Variants in LRP1B observed in about 807,000 individuals in gnomAD.
LRP1B encodes LDL receptor related protein 1B, also known as low-density lipoprotein receptor-related protein 1B.
Under a neutral mutation model 556.6 loss-of-function variants are expected in LRP1B, and 217 were observed. That is an observed-to-expected ratio of 0.39 (90% CI 0.35 to 0.44). The LOEUF (loss-of-function observed/expected upper bound fraction) is 0.44. Among genes scored for constraint, LRP1B ranks in the 20% least tolerant of loss-of-function variants. The pLI, the probability that LRP1B is intolerant of heterozygous loss-of-function variation, is 1.00. For synonymous variants in LRP1B, 2,047 were observed against 1,865.8 expected (o/e 1.10, Z -2.50); for missense variants, 5,053 against 5,620.8 (o/e 0.90, Z 3.23).
At chr2:141,708,031 A>G (rs1265502799) in intron 2 of LRP1B, among the ~76,000 whole-genome samples, 5 of 152,164 alleles carry the variant, frequency 3.3e-5, no homozygotes, top group African/African-American at 1.2e-4. Context: ...TAAGTGGCAC[A>G]TTAGTTTAGG....
chr2:140,803,260 GT>G (rs11352164), intron 32 of LRP1B, among the ~76,000 whole-genome samples: 62,414 of 102,608 alleles, frequency 0.61, 17,569 homozygotes, highest in East Asian at 0.76. Context: ...CCTATTGAAA[GT>G]TTTTTTTTTT....
rs749373416 is a variant in LRP1B, at chr2:140,850,161, G to A, written c.4880C>T (p.Thr1627Ile). Residue 1627 changes from threonine to isoleucine, a missense_variant, in exon 29 of 91, where the codon ACA (threonine) becomes ATA (isoleucine). Physicochemically the swap from Thr to Ile is moderately conservative, Grantham distance 89. Around this residue, in one of 5 missense-constraint regions of LRP1B, gnomAD observed 3,619 missense variants for 3,931.9 expected, o/e 0.92. Coordinates refer to ENST00000389484, the MANE Select transcript of LRP1B (RefSeq NM_018557.3). ...AATAAAAGCTCGTTTAATGGTTTGTGTTTTAATATCTGTCCAGTATAAACG... is the reference window on the plus strand; with the variant it reads ...AATAAAAGCTCGTTTAATGGTTTGTATTTTAATATCTGTCCAGTATAAACG... ...EERLYWTDIK[T>I]QTIKRAFING... 4 of 1,613,770 alleles carry A rather than the reference G, an allele frequency of 2.5e-6. No homozygotes were observed. Among genetic ancestry groups the A allele is most frequent in the Non-Finnish European group, 3.4e-6 (4 of 1,179,824 alleles).
chr2:142,045,669 G>A (rs994268308), intron 1 of LRP1B, among the ~76,000 whole-genome samples: 8 of 151,770 alleles, frequency 5.3e-5, no homozygotes, highest in African/African-American at 1.7e-4. Context: ...TCGGTCATGC[G>A]TAATACATAC....
intron 2 of LRP1B, among the ~76,000 whole-genome samples, chr2:141,743,501 C>CTTTTTTTTTTTTTTTTTTTTTTTTTTCT (rs796287062): frequency 1.7e-5 from 2 of 119,042 alleles, no homozygotes; most frequent in Non-Finnish European, 1.6e-5. Flanking sequence ...TTTTTTTTTT[C>CTTTTTTTTTTTTTTTTTTTTTTTTTTCT]TTTTTTTTTT....
In LRP1B at chr2:141,684,478, T is replaced by C. The variant is rs1422094486; in HGVS notation, c.205+125801A>G. Among the ~76,000 whole-genome samples the C allele has an allele frequency of 2.6e-5, 4 of 151,742 alleles. No homozygotes were observed. In the East Asian group the frequency reaches 7.8e-4, roughly 30 times the overall value. ...GGGGGGTGGGGGACTAGAGGAAGGA[T>C]AGCATTAGGAGAAATATGTAATATA... is the stretch of plus-strand genomic sequence containing the variant. On this transcript the variant is annotated intron_variant, in intron 2 of 90. Transcript: ENST00000389484.
chr2:141,950,652 CT>C (rs925290137), intron 1 of LRP1B, among the ~76,000 whole-genome samples: 18 of 152,004 alleles, frequency 1.2e-4, no homozygotes, highest in Non-Finnish European at 2.5e-4. Flanking sequence ...ATTAAATATG[CT>C]TTTTTTTCTT....
intron 7 of LRP1B, among the ~76,000 whole-genome samples, chr2:141,122,361 G>A (rs1390449177): frequency 1.3e-5 from 2 of 150,648 alleles, no homozygotes; most frequent in African/African-American, 2.4e-5. Flanking sequence ...ATCTGACAAA[G>A]GGCTAATATC....
intron 3 of LRP1B, among the ~76,000 whole-genome samples, chr2:141,380,965 G>A (rs1210120380): frequency 2.6e-5 from 4 of 151,998 alleles, no homozygotes; most frequent in Admixed American, 1.3e-4. Context: ...TGTGAAGACC[G>A]GGCGAGGTGA....
At chr2:141,574,480 C>T (rs991520666) in intron 2 of LRP1B, among the ~76,000 whole-genome samples, 3 of 152,038 alleles carry the variant, frequency 2.0e-5, no homozygotes, top group African/African-American at 2.4e-5. Context: ...AAACCCACAG[C>T]GTCAGTATCA....
intron 12 of LRP1B, among the ~76,000 whole-genome samples, chr2:141,016,123 T>C (rs1697893118): frequency 6.6e-6 from 1 of 152,040 alleles, no homozygotes; most frequent in Admixed American, 6.6e-5. Flanking sequence ...TTTACACTTA[T>C]TACAGAAAAG....
intron 3 of LRP1B, among the ~76,000 whole-genome samples, chr2:141,259,558 T>C (rs1684609877): frequency 6.6e-6 from 1 of 152,174 alleles, no homozygotes; most frequent in South Asian, 2.1e-4. Context: ...GTGCAGGGAA[T>C]CCAGCAGACT....
intron 32 of LRP1B, among the ~76,000 whole-genome samples, chr2:140,781,184 G>A (rs1347962000): frequency 2.0e-5 from 3 of 152,152 alleles, no homozygotes. Flanking sequence ...ATGACCAAAG[G>A]AGCTTGTGCT....
intron 55 of LRP1B, among the ~76,000 whole-genome samples, chr2:140,499,908 TTAA>T (rs1199365170): frequency 5.3e-5 from 8 of 152,050 alleles, no homozygotes; most frequent in Middle Eastern, 3.4e-3. Flanking sequence ...ACTTAAAATT[TTAA>T]TTAGTTACCT....
chr2:141,657,365 C>G (rs7567820), intron 2 of LRP1B, among the ~76,000 whole-genome samples: 116,303 of 151,942 alleles, frequency 0.77, 45,136 homozygotes, highest in African/African-American at 0.88. Context: ...GTCTTTCTTA[C>G]GGATCAAATA....
intron 47 of LRP1B, among the ~76,000 whole-genome samples, chr2:140,529,311 A>G (rs371475029): frequency 6.6e-5 from 10 of 151,874 alleles, no homozygotes; most frequent in African/African-American, 2.2e-4. Context: ...ATTTAGTGAG[A>G]TTTGAAAGAC....
intron 49 of LRP1B, among the ~76,000 whole-genome samples, chr2:140,518,860 A>G (rs1011035236): frequency 3.3e-5 from 5 of 152,208 alleles, no homozygotes; most frequent in African/African-American, 9.7e-5. Context: ...TAAATATACA[A>G]TCACGTCATC....
At chr2:140,613,112 T>C (rs1383615273) in intron 41 of LRP1B, among the ~76,000 whole-genome samples, 1 of 151,060 alleles carries the variant, frequency 6.6e-6, no homozygotes, top group Non-Finnish European at 1.5e-5. Flanking sequence ...TTGTCAGGTA[T>C]TGGCTAGAAA....
chr2:140,582,499 G>T (rs188631745), intron 43 of LRP1B, among the ~76,000 whole-genome samples: 1 of 152,318 alleles, frequency 6.6e-6, no homozygotes, highest in Non-Finnish European at 1.5e-5. Context: ...ATAGTATTAA[G>T]AGGTGGGACT....
intron 7 of LRP1B, among the ~76,000 whole-genome samples, chr2:141,067,489 A>G (rs1474386228): frequency 6.6e-6 from 1 of 152,006 alleles, no homozygotes; most frequent in Non-Finnish European, 1.5e-5. Context: ...AACTTGACAT[A>G]TGGACTCCCA....
Sources: gnomAD v4.1 joint callset for allele counts (sites outside exome capture counted in the v4.1 genomes callset) on GRCh38, gnomAD v4.1.1 for gene constraint, gnomAD v4.1.1 regional missense constraint, MANE v1.5 for transcripts, NCBI Gene and HGNC (gene_info 2026-07-23, HGNC 2026-07-21) for gene names.